Variants in UPRT observed in about 807,000 individuals in gnomAD.
The protein encoded by UPRT is uracil phosphoribosyltransferase homolog.
UPRT carries 5 observed loss-of-function variants against 22.6 expected under a neutral mutation model. That is an observed-to-expected ratio of 0.22 (90% CI 0.12 to 0.47). UPRT has a LOEUF of 0.47. UPRT is among the 20% of genes least tolerant of loss of function. The probability of loss-of-function intolerance (pLI) is 0.99; values close to 1 mark genes in which losing one functional copy is unlikely to be tolerated. For missense variants in UPRT, 181 were observed against 239.9 expected, an observed-to-expected ratio of 0.75 and a Z score of 1.62; for synonymous variants, 77 against 87.7, an observed-to-expected ratio of 0.88 and a Z score of 0.68.
chrX:75,253,228 C>T (rs1402134876), intron 4 of UPRT, among the ~76,000 whole-genome samples: 2 of 111,487 alleles, frequency 1.8e-5, no homozygotes, highest in East Asian at 5.6e-4. Flanking sequence ...AAACAAACAA[C>T]CCAATTAAGA....
intron 4 of UPRT, among the ~76,000 whole-genome samples, chrX:75,247,695 T>G (rs2082511848): frequency 1.8e-5 from 2 of 112,601 alleles, no homozygotes; most frequent in African/African-American, 6.5e-5. Context: ...CAGACTTAAA[T>G]GTCCCTGTCT....
chrX:75,193,322 C>A (rs931353212), intron 4 of UPRT, among the ~76,000 whole-genome samples: 20 of 112,219 alleles, frequency 1.8e-4, no homozygotes, highest in African/African-American at 6.5e-4. Flanking sequence ...AGGGTTTCTG[C>A]TGATGGGTCT....
intron 4 of UPRT, among the ~76,000 whole-genome samples, chrX:75,263,576 CA>C (rs1415601432): frequency 4.7e-4 from 52 of 111,222 alleles, no homozygotes; most frequent in African/African-American, 1.7e-3. Context: ...TATCCTTTAT[CA>C]TTTTTTTGCA....
chrX:75,206,492 A>G (rs2082367373), intron 4 of UPRT, among the ~76,000 whole-genome samples: 1 of 111,010 alleles, frequency 9.0e-6, no homozygotes, highest in Non-Finnish European at 1.9e-5. Context: ...GTAGGGGCCA[A>G]TAACCGGCAT....
chrX:75,292,636 G>T (rs1012639794), intron 1 of UPRT, among the ~76,000 whole-genome samples: 11 of 111,570 alleles, frequency 9.9e-5, no homozygotes, highest in African/African-American at 3.6e-4. Flanking sequence ...CCATAGATAG[G>T]CAGATGGGGG....
chrX:75,251,821 G>C (rs1259539792), intron 4 of UPRT, among the ~76,000 whole-genome samples: 1 of 111,118 alleles, frequency 9.0e-6, no homozygotes, highest in African/African-American at 3.3e-5. Context: ...ATACTACAAG[G>C]CTACAGTAAC....
At chrX:75,199,395 G>C (rs1272356636) in intron 4 of UPRT, among the ~76,000 whole-genome samples, 1 of 111,160 alleles carries the variant, frequency 9.0e-6, no homozygotes, top group African/African-American at 3.3e-5. Context: ...CTAGCTCCTG[G>C]ATATATCTAG....
intron 4 of UPRT, among the ~76,000 whole-genome samples, chrX:75,196,414 G>A (rs1478836112): frequency 8.9e-6 from 1 of 112,525 alleles, no homozygotes; most frequent in African/African-American, 3.2e-5. Flanking sequence ...ACGAATTATT[G>A]ATCAAAAGCT....
intron 4 of UPRT, among the ~76,000 whole-genome samples, chrX:75,229,891 G>A (rs1364385887): frequency 8.9e-6 from 1 of 112,111 alleles, no homozygotes; most frequent in Non-Finnish European, 1.9e-5. Context: ...AGAATCCAGG[G>A]TTAGGGAGAG....
rs1235856903 is a variant in UPRT at position 75,168,653 on chromosome X, C to T, written c.-447+774C>T. Among the ~76,000 whole-genome samples, 4 of 111,149 alleles carry T rather than the reference C, an allele frequency of 3.6e-5. No individual in the cohort carries two copies. The East Asian group carries it at 8.5e-4, about 24-fold the overall frequency. ...CAAGTGATTCTCCTGCCTCAGCCTCCCGAATAGCTGGGATTACAGGCATGC... is the reference window on the plus strand; with the variant it reads ...CAAGTGATTCTCCTGCCTCAGCCTCTCGAATAGCTGGGATTACAGGCATGC... On this transcript the variant is annotated intron_variant, in intron 4 of 13. Coordinates refer to the UPRT transcript ENST00000652605.
chrX:75,270,861 A>G (rs923144716), upstream of UPRT, among the ~76,000 whole-genome samples: 1 of 111,326 alleles, frequency 9.0e-6, no homozygotes, highest in African/African-American at 3.3e-5. Flanking sequence ...CTATGTAACA[A>G]ATCTGGACGT....
At chrX:75,280,803 T>C (rs750235411) in intron 1 of UPRT, among the ~76,000 whole-genome samples, 1 of 111,600 alleles carries the variant, frequency 9.0e-6, no homozygotes, top group South Asian at 3.7e-4. Flanking sequence ...TCTAATTCTG[T>C]GAAGAATGAT....
At chrX:75,205,104 C>G (rs1484855523) in intron 4 of UPRT, among the ~76,000 whole-genome samples, 1 of 110,943 alleles carries the variant, frequency 9.0e-6, no homozygotes. Flanking sequence ...GGCGCGGTGG[C>G]TCACGCCTGT....
chrX:75,204,164 T>A (rs1400975191), intron 4 of UPRT, among the ~76,000 whole-genome samples: 1 of 109,911 alleles, frequency 9.1e-6, no homozygotes, highest in Non-Finnish European at 1.9e-5. Context: ...GGCCAATTAT[T>A]AGTATTAGGA....
intron 2 of UPRT, among the ~76,000 whole-genome samples, chrX:75,162,082 T>C (rs1173594389): frequency 4.8e-5 from 5 of 103,419 alleles, no homozygotes; most frequent in African/African-American, 6.9e-5. Context: ...TTTCTAGGTA[T>C]ACCCTAATTT....
Position 75,297,572 on chromosome X carries a change from G to A in UPRT, c.562+19G>A, listed in dbSNP as rs2082730217. The A allele has an allele frequency of 8.3e-7, 1 of 1,208,934 alleles. No individual in the cohort carries two copies. Among genetic ancestry groups the A allele is most frequent in the East Asian group, 3.0e-5 (1 of 33,811 alleles). On this transcript the variant is annotated intron_variant, in intron 4 of 6. Coordinates refer to ENST00000373383, the MANE Select transcript of UPRT (RefSeq NM_145052.4). Reference sequence around the variant, plus strand: ...AGAAGCGGTAGGTTCACGTGTGTGTGATTTTTGTCTCTTTGTATGCATAGA... The same window carrying A: ...AGAAGCGGTAGGTTCACGTGTGTGTAATTTTTGTCTCTTTGTATGCATAGA...
chrX:75,272,362 A>G (rs780424313), upstream of UPRT, among the ~76,000 whole-genome samples: 24 of 82,206 alleles, frequency 2.9e-4, no homozygotes, highest in East Asian at 4.4e-3. Flanking sequence ...ATATATGTGT[A>G]TATATATATA....
intron 4 of UPRT, among the ~76,000 whole-genome samples, chrX:75,175,845 C>T (rs966257182): frequency 9.0e-6 from 1 of 111,590 alleles, no homozygotes; most frequent in Admixed American, 9.5e-5. Flanking sequence ...AAGGCTGCGG[C>T]CTTTCTCTGA....
chrX:75,285,183 A>G (rs1033243452), intron 1 of UPRT, among the ~76,000 whole-genome samples: 1 of 111,328 alleles, frequency 9.0e-6, no homozygotes, highest in Non-Finnish European at 1.9e-5. Flanking sequence ...GTTTCCAGGC[A>G]GTGGGCACGA....
Sources: gnomAD v4.1 joint callset for allele counts (sites outside exome capture counted in the v4.1 genomes callset) on GRCh38, gnomAD v4.1.1 for gene constraint, MANE v1.5 for transcripts, NCBI Gene and HGNC (gene_info 2026-07-23, HGNC 2026-07-21) for gene names.